Variants in BBX observed in about 807,000 individuals in gnomAD.
BBX encodes the protein BBX high mobility group box domain containing, also known as HMG box transcription factor BBX.
A neutral mutation model predicts 100.2 loss-of-function variants in BBX; 30 were observed. The observed-to-expected ratio is 0.30, with a 90% CI of 0.22 to 0.41. The LOEUF is 0.41. Ranked by LOEUF, BBX falls within the 10% of genes least tolerant of loss-of-function variation. BBX has a pLI of 1.00. For synonymous variants in BBX, 376 were observed against 388.1 expected (o/e 0.97, Z 0.37); for missense variants, 1,023 against 1,129.8 (o/e 0.91, Z 1.35).
chr3:107,690,892 C>CTTTTTTTTTTTTT (rs66523709), intron 3 of BBX, among the ~76,000 whole-genome samples: 1 of 41,190 alleles, frequency 2.4e-5, no homozygotes, highest in African/African-American at 1.1e-4. Flanking sequence ...GCCCCCCCCC[C>CTTTTTTTTTTTTT]TTTTTTTTTT....
intron 2 of BBX, among the ~76,000 whole-genome samples, chr3:107,595,303 G>A (rs943255628): frequency 1.3e-5 from 2 of 152,228 alleles, no homozygotes; most frequent in Non-Finnish European, 2.9e-5. Flanking sequence ...ATAATAGTTT[G>A]TGGAAGAGAA....
chr3:107,719,370 T>A (rs2062359820), intron 5 of BBX, among the ~76,000 whole-genome samples: 1 of 152,018 alleles, frequency 6.6e-6, no homozygotes, highest in Non-Finnish European at 1.5e-5. Flanking sequence ...TTCCTTTTTC[T>A]TGTTGTTTTT....
At chr3:107,686,960 T>C (rs981113476) in intron 3 of BBX, among the ~76,000 whole-genome samples, 2 of 152,162 alleles carry the variant, frequency 1.3e-5, no homozygotes, top group African/African-American at 4.8e-5. Context: ...AAATAAAAAA[T>C]TTATATTTAT....
chr3:107,710,354 C>A, intron 3 of BBX, 98 bp from the exon 4 acceptor site: 1 of 949,796 alleles, frequency 1.1e-6, no homozygotes, highest in Non-Finnish European at 1.5e-6. Flanking sequence ...CTAAAGGGAG[C>A]TAAATAAACT....
At chr3:107,670,792 G>C (rs776339482) in intron 3 of BBX, among the ~76,000 whole-genome samples, 1 of 151,948 alleles carries the variant, frequency 6.6e-6, no homozygotes, top group East Asian at 1.9e-4. Flanking sequence ...TTATTTTACA[G>C]ATGTTTGAAG....
chr3:107,795,567 T>C (rs1333578272), intron 15 of BBX, among the ~76,000 whole-genome samples: 2 of 150,644 alleles, frequency 1.3e-5, no homozygotes, highest in Non-Finnish European at 3.0e-5. Context: ...TCTGGTTAAT[T>C]GGCATTACCT....
At position 107,762,503 on chromosome 3, in the gene BBX, C is replaced by A. The variant is rs572248959; in HGVS notation, c.906+6825C>A. 3.3e-5 allele frequency among the ~76,000 whole-genome samples: 5 copies of A among 152,222 alleles called. No homozygotes were observed. The South Asian group carries it at 1.0e-3, about 32-fold the overall frequency. ...CCAGTGTATATTTCTCTGGCACAAG[C>A]GTTCGGGTTTTATTTAATTATGGGA... On this transcript the variant is annotated intron_variant, in intron 10 of 17. Transcript: ENST00000325805.
intron 13 of BBX, among the ~76,000 whole-genome samples, chr3:107,788,148 C>G (rs536594374): frequency 1.3e-5 from 2 of 151,846 alleles, no homozygotes; most frequent in Non-Finnish European, 2.9e-5. Flanking sequence ...ATTTTAAAGC[C>G]CTGACAGTAG....
At chr3:107,623,248 AG>A (rs1258251681) in intron 2 of BBX, among the ~76,000 whole-genome samples, 1 of 152,192 alleles carries the variant, frequency 6.6e-6, no homozygotes. Flanking sequence ...TAAAAACAAC[AG>A]GGGTTAGCCT....
At chr3:107,607,037 C>T (rs1386651684) in intron 2 of BBX, among the ~76,000 whole-genome samples, 2 of 152,118 alleles carry the variant, frequency 1.3e-5, no homozygotes, top group African/African-American at 4.8e-5. Context: ...TTGTCTTTCT[C>T]TGCCTGGCTT....
chr3:107,734,855 A>C (rs544123755), intron 7 of BBX, among the ~76,000 whole-genome samples: 1 of 152,118 alleles, frequency 6.6e-6, no homozygotes, highest in African/African-American at 2.4e-5. Flanking sequence ...ATGCAACTCA[A>C]TACTGTGGTG....
intron 9 of BBX, among the ~76,000 whole-genome samples, chr3:107,750,647 C>T (rs2065012758): frequency 6.6e-6 from 1 of 152,168 alleles, no homozygotes; most frequent in Non-Finnish European, 1.5e-5. Context: ...CAATCTTTAA[C>T]ATCTTACAAT....
At position 107,801,076 on chromosome 3, in the gene BBX, G is replaced by T. The variant is rs1259769300; in HGVS notation, c.2552-19G>T. The T allele has an allele frequency of 9.9e-6, 16 of 1,611,804 alleles. No individual in the cohort carries two copies. Among genetic ancestry groups the T allele is most frequent in the Non-Finnish European group, 1.2e-5 (14 of 1,178,824 alleles). On this transcript the variant is annotated intron_variant, in intron 16 of 17. Coordinates refer to ENST00000325805, the MANE Select transcript of BBX (RefSeq NM_001142568.3). ...AGAACAGAGTGATCCTCTCATGATG[G>T]ATTTCTCTTTTGTTACAGATGACAA...
intron 2 of BBX, among the ~76,000 whole-genome samples, chr3:107,559,779 G>A (rs1236111787): frequency 6.6e-6 from 1 of 152,174 alleles, no homozygotes; most frequent in African/African-American, 2.4e-5. Context: ...TTCTCGCTCT[G>A]TCACCCTGGC....
chr3:107,553,560 G>A (rs1332761501), intron 2 of BBX, among the ~76,000 whole-genome samples: 1 of 152,192 alleles, frequency 6.6e-6, no homozygotes, highest in East Asian at 1.9e-4. Context: ...TGTGGGAGGA[G>A]GGACCTGGGG....
chr3:107,752,132 A>T (rs2065125395), intron 9 of BBX, among the ~76,000 whole-genome samples: 1 of 152,206 alleles, frequency 6.6e-6, no homozygotes, highest in Non-Finnish European at 1.5e-5. Flanking sequence ...GACACAGCTA[A>T]TCTGGGTGAT....
intron 4 of BBX, among the ~76,000 whole-genome samples, chr3:107,716,061 A>G (rs966876637): frequency 2.0e-5 from 3 of 152,206 alleles, no homozygotes; most frequent in Admixed American, 6.5e-5. Context: ...TGAGTAGTCT[A>G]TATTACCTTT....
chr3:107,684,055 A>G (rs904807151), intron 3 of BBX, among the ~76,000 whole-genome samples: 3 of 152,182 alleles, frequency 2.0e-5, no homozygotes, highest in African/African-American at 7.2e-5. Context: ...TTATTTTACT[A>G]TGTCAATATC....
At chr3:107,628,131 T>C (rs2056319349) in intron 2 of BBX, among the ~76,000 whole-genome samples, 1 of 152,112 alleles carries the variant, frequency 6.6e-6, no homozygotes, top group Non-Finnish European at 1.5e-5. Context: ...TCATGGTATT[T>C]ATAAGTATTT....
Sources: gnomAD v4.1 joint callset for allele counts (sites outside exome capture counted in the v4.1 genomes callset) on GRCh38, gnomAD v4.1.1 for gene constraint, MANE v1.5 for transcripts, NCBI Gene and HGNC (gene_info 2026-07-23, HGNC 2026-07-21) for gene names.